The following SLC35F1 variants were observed in gnomAD, a reference collection of about 807,000 sequenced individuals.
The protein encoded by SLC35F1 is solute carrier family 35 member F1, also known as chromosome 6 open reading frame 169.
A neutral mutation model predicts 48.7 loss-of-function variants in SLC35F1; 14 were observed. The observed-to-expected ratio is 0.29, with a 90% CI of 0.19 to 0.45. The LOEUF is 0.45. Ranked by LOEUF, SLC35F1 falls within the 20% of genes least tolerant of loss-of-function variation. The probability of loss-of-function intolerance (pLI) is 1.00; values close to 1 mark genes in which losing one functional copy is unlikely to be tolerated. For missense variants in SLC35F1, 404 were observed against 500.0 expected, an observed-to-expected ratio of 0.81 and a Z score of 1.83; for synonymous variants, 190 against 202.2, an observed-to-expected ratio of 0.94 and a Z score of 0.51.
At position 117,915,219 on chromosome 6, in the gene SLC35F1, A is replaced by C. The variant is rs1346605585; in HGVS notation, c.173+7320A>C. 2.0e-5 allele frequency among the ~76,000 whole-genome samples: 3 copies of C among 152,346 alleles called. No individual in the cohort carries two copies. In the East Asian group the frequency reaches 5.8e-4, roughly 29 times the overall value. ...GAGAGTGTTTGAGATGTTTGAGTTA[A>C]AATTAGCATTTAGACAATGACTCAA... On this transcript the variant is annotated intron_variant, in intron 1 of 7. Coordinates refer to ENST00000360388, the MANE Select transcript of SLC35F1 (RefSeq NM_001029858.4).
At chr6:118,017,154 T>C (rs1777332872) in intron 1 of SLC35F1, among the ~76,000 whole-genome samples, 1 of 152,064 alleles carries the variant, frequency 6.6e-6, no homozygotes, top group African/African-American at 2.4e-5. Context: ...TATAAACTGG[T>C]GGTGTTCTGA....
chr6:118,281,198 C>CTATATATATATA (rs1349203619), intron 6 of SLC35F1, among the ~76,000 whole-genome samples: 1 of 121,930 alleles, frequency 8.2e-6, no homozygotes, highest in African/African-American at 3.1e-5. Flanking sequence ...CTCTCTCTCT[C>CTATATATATATA]TCTCTCTATA....
At chr6:117,976,162 C>T (rs1562253057) in intron 1 of SLC35F1, among the ~76,000 whole-genome samples, 2 of 152,186 alleles carry the variant, frequency 1.3e-5, no homozygotes, top group South Asian at 2.1e-4. Context: ...TTTGTCTTCC[C>T]TCATGGTGAA....
At chr6:118,013,504 A>G (rs1165505744) in intron 1 of SLC35F1, among the ~76,000 whole-genome samples, 1 of 152,346 alleles carries the variant, frequency 6.6e-6, no homozygotes, top group Non-Finnish European at 1.5e-5. Context: ...GTAAATTTAT[A>G]TAAATTATTT....
In SLC35F1 at chr6:118,214,964, G is replaced by C. The variant is rs577220409; in HGVS notation, c.350-20545G>C. 1.6e-4 allele frequency among the ~76,000 whole-genome samples: 25 copies of C among 152,182 alleles called. No homozygotes were observed. The South Asian group carries it at 4.2e-3, about 25-fold the overall frequency. On this transcript the variant is annotated intron_variant, in intron 2 of 7. Coordinates refer to ENST00000360388, the MANE Select transcript of SLC35F1 (RefSeq NM_001029858.4). Reference sequence around the variant, plus strand: ...TTTTAAAAGTAATCAACTGATAATTGACAGGCACTGCCTAGGTTTTATTTT... The same window carrying C: ...TTTTAAAAGTAATCAACTGATAATTCACAGGCACTGCCTAGGTTTTATTTT...
At chr6:118,253,730 A>G (rs1490936803) in intron 3 of SLC35F1, among the ~76,000 whole-genome samples, 1 of 152,052 alleles carries the variant, frequency 6.6e-6, no homozygotes, top group East Asian at 1.9e-4. Context: ...AATGCCAACT[A>G]CTGCAGAGAG....
At chr6:118,238,257 T>G (rs1298953143) in intron 3 of SLC35F1, among the ~76,000 whole-genome samples, 1 of 152,074 alleles carries the variant, frequency 6.6e-6, no homozygotes, top group Non-Finnish European at 1.5e-5. Context: ...TGCTTTCAAA[T>G]TATGAATAAC....
intron 4 of SLC35F1, among the ~76,000 whole-genome samples, chr6:118,267,670 G>A (rs981963972): frequency 6.6e-6 from 1 of 152,188 alleles, no homozygotes. Context: ...GACTAGTTAG[G>A]AGTGCTCCAT....
At chr6:118,117,363 G>T (rs1773489047) in intron 1 of SLC35F1, among the ~76,000 whole-genome samples, 1 of 152,080 alleles carries the variant, frequency 6.6e-6, no homozygotes, top group Non-Finnish European at 1.5e-5. Flanking sequence ...ATTGCTTATG[G>T]CATAGAACAA....
At chr6:118,296,347 A>T (rs1036286818) in intron 7 of SLC35F1, among the ~76,000 whole-genome samples, 10 of 152,138 alleles carry the variant, frequency 6.6e-5, no homozygotes, top group African/African-American at 2.4e-4. Flanking sequence ...CAGCCTGGAG[A>T]CTTTCATGGC....
intron 2 of SLC35F1, among the ~76,000 whole-genome samples, chr6:118,210,605 C>G (rs1774990117): frequency 6.6e-6 from 1 of 152,150 alleles, no homozygotes. Flanking sequence ...CGTTCTCAGA[C>G]AAGGCTTTTC....
chr6:117,992,910 G>A (rs1045896785), intron 1 of SLC35F1, among the ~76,000 whole-genome samples: 2 of 152,214 alleles, frequency 1.3e-5, no homozygotes, highest in African/African-American at 4.8e-5. Flanking sequence ...ATTGGGCCAT[G>A]CTTCATTTCT....
intron 7 of SLC35F1, among the ~76,000 whole-genome samples, chr6:118,310,312 T>C (rs1012359024): frequency 1.3e-5 from 2 of 152,148 alleles, no homozygotes; most frequent in African/African-American, 4.8e-5. Context: ...ATGTCTTTCC[T>C]TGGGGAGATA....
At chr6:118,307,579 A>G (rs927187280) in intron 7 of SLC35F1, among the ~76,000 whole-genome samples, 3 of 152,240 alleles carry the variant, frequency 2.0e-5, no homozygotes, top group South Asian at 2.1e-4. Flanking sequence ...ATTTATTTCC[A>G]GTTCAGTAAA....
intron 6 of SLC35F1, among the ~76,000 whole-genome samples, chr6:118,281,440 A>G (rs1338809709): frequency 1.3e-5 from 2 of 152,102 alleles, no homozygotes; most frequent in African/African-American, 4.8e-5. Flanking sequence ...TGCTCTGCTT[A>G]TGCAAATCCA....
intron 1 of SLC35F1, among the ~76,000 whole-genome samples, chr6:117,997,271 A>T (rs1777008281): frequency 6.6e-6 from 1 of 152,250 alleles, no homozygotes; most frequent in South Asian, 2.1e-4. Flanking sequence ...ATATGGGACT[A>T]TGTGAAAAGA....
At chr6:118,291,895 A>T (rs2114649238) in intron 7 of SLC35F1, among the ~76,000 whole-genome samples, 1 of 152,308 alleles carries the variant, frequency 6.6e-6, no homozygotes, top group South Asian at 2.1e-4. Flanking sequence ...AGGCAGGTGG[A>T]TCACCTAAGG....
intron 2 of SLC35F1, among the ~76,000 whole-genome samples, chr6:118,168,873 G>A (rs1187885471): frequency 6.6e-6 from 1 of 152,170 alleles, no homozygotes; most frequent in African/African-American, 2.4e-5. Context: ...TGAAAACACG[G>A]TGGAAGATAT....
At chr6:118,253,492 G>T (rs557728616) in intron 3 of SLC35F1, among the ~76,000 whole-genome samples, 5 of 152,226 alleles carry the variant, frequency 3.3e-5, no homozygotes, top group Non-Finnish European at 5.9e-5. Context: ...CTCTTTTAAA[G>T]AAGTTTGGCA....
Sources: gnomAD v4.1 joint callset for allele counts (sites outside exome capture counted in the v4.1 genomes callset) on GRCh38, gnomAD v4.1.1 for gene constraint, MANE v1.5 for transcripts, NCBI Gene and HGNC (gene_info 2026-07-23, HGNC 2026-07-21) for gene names.